Variants in HTR3E observed in about 807,000 individuals in gnomAD.
The protein encoded by HTR3E is 5-hydroxytryptamine (serotonin) receptor 3, family member E.
In HTR3E, 38 loss-of-function variants were observed where a neutral mutation model predicts 38.0. That is an observed-to-expected ratio of 1.00 (90% CI 0.77 to 1.31). The LOEUF is 1.31. HTR3E is among the 50% of genes most tolerant of loss of function. The probability of loss-of-function intolerance (pLI) is 0.00; values close to 1 mark genes in which losing one functional copy is unlikely to be tolerated. For missense variants in HTR3E, 547 were observed against 585.2 expected (o/e 0.93, Z 0.67); for synonymous variants, 210 against 232.9 (o/e 0.90, Z 0.89).
At position 184,105,422 on chromosome 3, in the gene HTR3E, T is replaced by A. The variant is rs998785425; in HGVS notation, c.715T>A (p.Phe239Ile). Residue 239 changes from phenylalanine to isoleucine, a missense_variant, in exon 6 of 9, where the codon TTC becomes ATC. Coordinates refer to ENST00000415389, the MANE Select transcript of HTR3E (RefSeq NM_001256613.2). ...RGGNLYDQIVFYVAIRRRPSL... is the reference protein window; with the variant it reads ...RGGNLYDQIVIYVAIRRRPSL... ...AGGCAACCTGTATGATCAGATCGTG[T>A]TCTATGTGAGCTTGGAGGCTCTTAC... 3 of 1,605,124 alleles carry A rather than the reference T, an allele frequency of 1.9e-6. No individual in the cohort carries two copies. The African/African-American group carries it at 4.0e-5, about 22-fold the overall frequency.
intron 1 of HTR3E, chr3:184,100,232 C>G: frequency 7.3e-7 from 1 of 1,367,484 alleles, no homozygotes; most frequent in Non-Finnish European, 9.7e-7. Flanking sequence ...GAAGTTACTT[C>G]CTCTTATTGC....
chr3:184,106,172 C>G lies in HTR3E; in HGVS notation c.970C>G (p.Leu324Val). ...LCLSLMVGSL[L>V]ETIFITHLLH... ...CCTGTCCCTGATGGTGGGCAGCCTG[C>G]TGGAGACCATCTTCATCACCCACCT... The change falls in exon 8 of 9, where the codon CTG becomes GTG. Residue 324 changes from leucine to valine, a missense_variant. Transcript: ENST00000415389. This position sits in a 1 kb window ranked among gnomAD's most constrained non-coding sequence, Gnocchi z 4.1. 1.2e-6 allele frequency: 2 copies of G among 1,612,944 alleles called. No homozygotes were observed. Among genetic ancestry groups the G allele is most frequent in the Non-Finnish European group, 1.7e-6 (2 of 1,179,992 alleles).
At position 184,105,850 on chromosome 3, in the gene HTR3E, T is replaced by G. The variant is rs756787015; in HGVS notation, c.806T>G (p.Phe269Cys). 1 of 1,614,018 alleles carries G rather than the reference T, an allele frequency of 6.2e-7. No individual in the cohort carries two copies. The highest frequency in any genetic ancestry group is 8.5e-7 in the Non-Finnish European group (1 of 1,180,040). ...GFLVAIDALS[F>C]YLPVKSGNRV... is the part of the protein sequence containing the mutation. ...CTGGTTGCCATCGATGCCCTCAGCT[T>G]CTACCTGCCAGTGAAAAGTGGGAAT... Residue 269 changes from phenylalanine to cysteine, a missense_variant, in exon 7 of 9, where the codon TTC becomes TGC. Transcript: ENST00000415389.
chr3:184,102,236 G>A (rs1712093027), intron 3 of HTR3E, among the ~76,000 whole-genome samples: 1 of 152,090 alleles, frequency 6.6e-6, no homozygotes. Context: ...GCCAAGGTGG[G>A]TGGATTGCTT....
At chr3:184,104,640 C>T (rs1712295553) in intron 4 of HTR3E, 147 bp from the exon 5 acceptor site, 2 of 688,964 alleles carry the variant, frequency 2.9e-6, no homozygotes. Flanking sequence ...TCATTTGAGC[C>T]CAGGACATGG....
chr3:184,097,674 A>G (rs1393227931), intron 1 of HTR3E, 78 bp downstream of exon 1: 2 of 1,039,820 alleles, frequency 1.9e-6, no homozygotes, highest in African/African-American at 1.6e-5. Flanking sequence ...ACTTTTTTCA[A>G]ATTTCCAACT....
rs1712259826 is a variant in HTR3E at position 184,104,196 on chromosome 3, A to G, written c.294A>G (p.Pro98=). 1.2e-6 allele frequency: 2 copies of G among 1,611,482 alleles called. No individual in the cohort carries two copies. Among genetic ancestry groups the G allele is most frequent in the East Asian group, 4.5e-5 (2 of 44,688 alleles). ...FLWLEMVWDN[P]FISWNPEECE... Reference sequence around the variant, plus strand: ...CTGGGCTCTAGGTTTGGGATAACCCATTTATCAGCTGGAACCCAGAGGAAT... The same window carrying G: ...CTGGGCTCTAGGTTTGGGATAACCCGTTTATCAGCTGGAACCCAGAGGAAT... Residue 98 remains proline, a synonymous_variant, in exon 4 of 9, where the codon CCA becomes CCG. Coordinates refer to ENST00000415389, the MANE Select transcript of HTR3E (RefSeq NM_001256613.2).
chr3:184,098,988 A>T lies in HTR3E; in HGVS notation c.67+1392A>T, dbSNP rs535866483. Among the ~76,000 whole-genome samples the T allele has an allele frequency of 6.1e-4, 93 of 152,056 alleles. 1 individual carries two copies. Among genetic ancestry groups the T allele is most frequent in the Non-Finnish European group, 7.2e-4 (49 of 68,010 alleles). The stretch of plus-strand genomic sequence containing the variant: ...AACCTGGGAGCCAGAGATTGCAGTG[A>T]GTCAAGATCGCACCACTGCACTCCA... On this transcript the variant is annotated intron_variant, in intron 1 of 8. Coordinates refer to ENST00000415389, the MANE Select transcript of HTR3E (RefSeq NM_001256613.2).
In HTR3E at chr3:184,104,806, C is replaced by G. The variant is rs1261434484; in HGVS notation, c.409C>G (p.Pro137Ala). Residue 137 changes from proline (P) to alanine (A), a missense_variant, in exon 5 of 9, where the codon CCA becomes GCA. Transcript: ENST00000415389. ...CTCCAGCATGGATGTGGATAAGACC[C>G]CAAAAGGCCTCACAGCATATGTAAG... ...IIELMDVDKT[P>A]KGLTAYVSNE... 5.0e-6 allele frequency: 8 copies of G among 1,613,404 alleles called. No homozygotes were observed. The highest frequency in any genetic ancestry group is 6.8e-6 in the Non-Finnish European group (8 of 1,179,788).
intron 6 of HTR3E, 89 bp downstream of exon 6, chr3:184,105,516 G>C: frequency 7.0e-7 from 1 of 1,421,656 alleles, no homozygotes; most frequent in South Asian, 1.4e-5. Context: ...CCAAGTTTCA[G>C]GGTCTCCCAA....
chr3:184,100,150 C>T, intron 1 of HTR3E: 2 of 1,399,430 alleles, frequency 1.4e-6, no homozygotes, highest in Non-Finnish European at 1.9e-6. Flanking sequence ...GGACGTATAG[C>T]ACAGCAGCAG....
At chr3:184,102,597 T>C (rs959898546) in intron 3 of HTR3E, among the ~76,000 whole-genome samples, 21 of 151,238 alleles carry the variant, frequency 1.4e-4, no homozygotes, top group Middle Eastern at 3.4e-3. Flanking sequence ...AACCTGCATG[T>C]TGTGCACATG....
chr3:184,104,512 C>T (rs1712284476), intron 4 of HTR3E: 3 of 566,436 alleles, frequency 5.3e-6, no homozygotes, highest in Non-Finnish European at 8.4e-6. Flanking sequence ...TTGAGACCAG[C>T]CTGGGCAACA....
At position 184,104,888 on chromosome 3, in the gene HTR3E, T is replaced by C. The variant is rs773473060; in HGVS notation, c.491T>C (p.Leu164Pro). ...KPMKVDSICNLDIFYFPFDQQ... is the reference protein window; with the variant it reads ...KPMKVDSICNPDIFYFPFDQQ... ...ATGAAGGTGGACAGTATCTGTAACC[T>C]GGACATCTTCTACTTCCCCTTCGAC... Residue 164 changes from leucine (L) to proline (P), a missense_variant, in exon 5 of 9, where the codon CTG becomes CCG. Leu to Pro is a moderately conservative substitution (Grantham distance 98, BLOSUM62 -3). Coordinates refer to ENST00000415389, the MANE Select transcript of HTR3E (RefSeq NM_001256613.2). The C allele has an allele frequency of 6.2e-7, 1 of 1,614,138 alleles. No individual in the cohort carries two copies. Among genetic ancestry groups the C allele is most frequent in the East Asian group, 2.2e-5 (1 of 44,884 alleles).
chr3:184,099,389 C>CA (rs1051951265), intron 1 of HTR3E, among the ~76,000 whole-genome samples: 2 of 151,694 alleles, frequency 1.3e-5, no homozygotes, highest in Non-Finnish European at 2.9e-5. Context: ...GTCGCTGTCT[C>CA]AAAAAACCCC....
intron 2 of HTR3E, 83 bp downstream of exon 2, chr3:184,100,734 C>G: frequency 6.5e-7 from 1 of 1,541,468 alleles, no homozygotes; most frequent in Non-Finnish European, 8.7e-7. Context: ...AAGCCCTTAT[C>G]CACATTTCTG....
At chr3:184,101,893 A>G (rs994510473) in intron 3 of HTR3E, among the ~76,000 whole-genome samples, 4 of 152,176 alleles carry the variant, frequency 2.6e-5, no homozygotes, top group Admixed American at 6.5e-5. Context: ...GGAAGGCTGA[A>G]GCAGGAAAAT....
Position 184,106,799 on chromosome 3 carries a change from C to T in HTR3E, c.*106C>T. 1.8e-6 allele frequency: 2 copies of T among 1,125,788 alleles called. No homozygotes were observed. The highest frequency in any genetic ancestry group is 4.7e-5 in the East Asian group (2 of 42,430). The allele number at this position is 1,125,788 out of a possible 1,614,324, so 69.7% of individuals were successfully genotyped here. On this transcript the variant is annotated 3_prime_UTR_variant, in exon 9 of 9. Coordinates refer to ENST00000415389, the MANE Select transcript of HTR3E (RefSeq NM_001256613.2). This position sits in a 1 kb window ranked among gnomAD's most constrained non-coding sequence, Gnocchi z 4.1. ...CCAACTATCATATCCCCAAAGATGA[C>T]TGAGTCTCTGCTGTATTCCATGTAT...
At position 184,105,350 on chromosome 3, in the gene HTR3E, TG is replaced by T; in HGVS notation, c.646del (p.Glu216SerfsTer37). ...SRNILQTHGE[W>X]ELLGLSKATA... Reference sequence around the variant, plus strand: ...GAACATCCTTCAGACCCATGGAGAATGGGAGCTCCTGGGCCTCAGCAAGGCC... The same window carrying T: ...GAACATCCTTCAGACCCATGGAGAATGGAGCTCCTGGGCCTCAGCAAGGCC... On this transcript the variant is annotated frameshift_variant, in exon 6 of 9. Coordinates refer to ENST00000415389, the MANE Select transcript of HTR3E (RefSeq NM_001256613.2). LOFTEE classifies it high-confidence loss of function. 6.2e-7 allele frequency: 1 copy of T among 1,614,144 alleles called. No individual in the cohort carries two copies. The highest frequency in any genetic ancestry group is 1.1e-5 in the South Asian group (1 of 91,080).
Sources: allele counts gnomAD v4.1 joint callset (sites outside exome capture counted in the v4.1 genomes callset), GRCh38; gene constraint gnomAD v4.1.1; non-coding constraint Gnocchi (gnomAD v3.1); transcripts MANE v1.5; gene names NCBI Gene and HGNC (gene_info 2026-07-23, HGNC 2026-07-21).